The following OR6N1 variants were observed in gnomAD, a reference collection of about 807,000 sequenced individuals.
OR6N1 encodes olfactory receptor family 6 subfamily N member 1, also known as olfactory receptor 6N1.
For synonymous variants in OR6N1, 170 were observed against 150.7 expected (o/e 1.13, Z -0.94); for missense variants, 394 against 371.7 (o/e 1.06, Z -0.49).
At chr1:158,811,871 T>C in the OR6N1 span, among the ~76,000 whole-genome samples, 1 of 152,204 alleles carries the variant, frequency 6.6e-6, no homozygotes, top group African/African-American at 2.4e-5. Flanking sequence ...GATATTTTGT[T>C]TGGAGAGTTT....
the OR6N1 span, among the ~76,000 whole-genome samples, chr1:158,826,648 C>T: frequency 6.6e-6 from 1 of 152,130 alleles, no homozygotes; most frequent in Non-Finnish European, 1.5e-5. Context: ...ATTACAGAGG[C>T]ACCCAAAGGT....
At chr1:158,771,225 T>G (rs1657417443) in intron 1 of OR6N1, among the ~76,000 whole-genome samples, 1 of 152,234 alleles carries the variant, frequency 6.6e-6, no homozygotes, top group Admixed American at 6.5e-5. Context: ...ACTTTCTCAC[T>G]GTCCCTCCAA....
the OR6N1 span, among the ~76,000 whole-genome samples, chr1:158,815,802 A>T: frequency 6.6e-6 from 1 of 152,164 alleles, no homozygotes; most frequent in Non-Finnish European, 1.5e-5. Flanking sequence ...CAGTTTGCAG[A>T]TGAAGAAACT....
upstream of OR6N1, chr1:158,772,325 T>G (rs1657442645): frequency 6.6e-6 from 1 of 152,162 alleles, no homozygotes; most frequent in South Asian, 2.1e-4. Context: ...AAGTGCTCTC[T>G]CAGGAAGGGA....
At chr1:158,803,484 C>T in the OR6N1 span, among the ~76,000 whole-genome samples, 7 of 152,298 alleles carry the variant, frequency 4.6e-5, no homozygotes, top group Admixed American at 2.6e-4. Context: ...AGCCATCTAT[C>T]CCAATTCTTC....
the OR6N1 span, among the ~76,000 whole-genome samples, chr1:158,837,859 A>G: frequency 1.3e-5 from 2 of 150,130 alleles, no homozygotes; most frequent in Non-Finnish European, 3.0e-5. Flanking sequence ...ATGTTCTTCT[A>G]TTCCTTTGTG....
chr1:158,825,588 C>T, the OR6N1 span, among the ~76,000 whole-genome samples: 1 of 152,040 alleles, frequency 6.6e-6, no homozygotes. Context: ...CCATCTCGTA[C>T]CAGTCAGAAT....
chr1:158,831,780 T>G, the OR6N1 span, among the ~76,000 whole-genome samples: 2 of 152,178 alleles, frequency 1.3e-5, no homozygotes, highest in Non-Finnish European at 2.9e-5. Context: ...ACAGCAGGTT[T>G]TAAAAATTAA....
the OR6N1 span, among the ~76,000 whole-genome samples, chr1:158,791,594 A>G: frequency 6.6e-5 from 10 of 150,794 alleles, no homozygotes; most frequent in South Asian, 2.1e-3. Context: ...CTCAGCCTCC[A>G]GAGTAGCTGG....
chr1:158,826,131 G>A, the OR6N1 span, among the ~76,000 whole-genome samples: 339 of 151,582 alleles, frequency 2.2e-3, 2 homozygotes, highest in Non-Finnish European at 4.1e-3. Context: ...TGAAGGTTGG[G>A]AGAAAGGAGA....
At chr1:158,815,944 A>C in the OR6N1 span, among the ~76,000 whole-genome samples, 4 of 152,010 alleles carry the variant, frequency 2.6e-5, no homozygotes, top group Non-Finnish European at 5.9e-5. Flanking sequence ...TCACGAGGTC[A>C]GGAGATCGAG....
At chr1:158,836,675 C>CT in the OR6N1 span, among the ~76,000 whole-genome samples, 4 of 151,384 alleles carry the variant, frequency 2.6e-5, no homozygotes, top group Non-Finnish European at 4.4e-5. Context: ...AAAACCAACT[C>CT]TTTTTTTTAT....
chr1:158,808,051 A>G, the OR6N1 span, among the ~76,000 whole-genome samples: 2 of 151,152 alleles, frequency 1.3e-5, no homozygotes, highest in African/African-American at 2.4e-5. Flanking sequence ...ACAATTACCA[A>G]CAAGCTGGGC....
chr1:158,820,765 C>A, the OR6N1 span, among the ~76,000 whole-genome samples: 1 of 152,172 alleles, frequency 6.6e-6, no homozygotes, highest in East Asian at 1.9e-4. Flanking sequence ...TGAAACTTCC[C>A]TAGAGTCAAT....
At chr1:158,767,457 T>C (rs954792725) in intron 1 of OR6N1, among the ~76,000 whole-genome samples, 1 of 152,220 alleles carries the variant, frequency 6.6e-6, no homozygotes, top group Non-Finnish European at 1.5e-5. Context: ...TTTTCTGGTT[T>C]ATTGCTTCTG....
chr1:158,783,587 C>T, the OR6N1 span, among the ~76,000 whole-genome samples: 2 of 152,274 alleles, frequency 1.3e-5, no homozygotes, highest in African/African-American at 4.8e-5. Context: ...TCTAAACATT[C>T]TATGTTCCAA....
the OR6N1 span, among the ~76,000 whole-genome samples, chr1:158,804,928 G>A: frequency 0.051 from 7,822 of 152,114 alleles, 510 homozygotes; most frequent in African/African-American, 0.16. Context: ...AGTGGGAGGA[G>A]ACAGATCCTC....
the OR6N1 span, among the ~76,000 whole-genome samples, chr1:158,807,082 C>A: frequency 2.0e-5 from 3 of 150,214 alleles, no homozygotes; most frequent in Non-Finnish European, 4.4e-5. Context: ...AGCACTCATT[C>A]ATTGCCAGCC....
At chr1:158,777,317 A>G in the OR6N1 span, 1 of 1,614,182 alleles carries the variant, frequency 6.2e-7, no homozygotes. Flanking sequence ...GACGCTCCCA[A>G]GGAGTGGAAG....
Sources: allele counts gnomAD v4.1 joint callset (sites outside exome capture counted in the v4.1 genomes callset), GRCh38; gene constraint gnomAD v4.1.1; transcripts MANE v1.5; gene names NCBI Gene and HGNC (gene_info 2026-07-23, HGNC 2026-07-21).